The following PAK5 variants were observed in gnomAD, a reference collection of about 807,000 sequenced individuals.
PAK5 encodes the protein serine/threonine-protein kinase PAK 5.
A neutral mutation model predicts 65.9 loss-of-function variants in PAK5; 16 were observed. The ratio of observed to expected loss-of-function variants is 0.24; its 90% confidence interval spans 0.16 to 0.37. PAK5 has a LOEUF of 0.37. Ranked by LOEUF, PAK5 falls within the 10% of genes least tolerant of loss-of-function variation. PAK5 has a pLI of 1.00. For synonymous variants in PAK5, 371 were observed against 354.9 expected (o/e 1.05, Z -0.51); for missense variants, 785 against 903.9 (o/e 0.87, Z 1.69).
chr20:9,620,172 C>T (rs1233210240), intron 3 of PAK5, among the ~76,000 whole-genome samples: 2 of 152,202 alleles, frequency 1.3e-5, no homozygotes, highest in Non-Finnish European at 2.9e-5. Context: ...ATTCACAACA[C>T]TCTGTAATTA....
intron 1 of PAK5, among the ~76,000 whole-genome samples, chr20:9,762,161 C>T (rs6118719): frequency 2.6e-5 from 4 of 152,064 alleles, no homozygotes; most frequent in Non-Finnish European, 5.9e-5. Flanking sequence ...TGTAAAACTC[C>T]TAGAAGAACA....
chr20:9,831,206 GGT>G (rs903670859), intron 1 of PAK5, among the ~76,000 whole-genome samples: 4 of 151,940 alleles, frequency 2.6e-5, no homozygotes, highest in Admixed American at 1.3e-4. Flanking sequence ...TGTTTTGGGG[GGT>G]GTGTGTGTGT....
chr20:9,716,112 TCAAAAGCA>T, intron 1 of PAK5, among the ~76,000 whole-genome samples: 1 of 47,022 alleles, frequency 2.1e-5, no homozygotes, highest in African/African-American at 7.3e-5. Context: ...AAATATCTTC[TCAAAAGCA>T]TACCCTAAAA....
intron 1 of PAK5, among the ~76,000 whole-genome samples, chr20:9,804,408 A>G (rs1253659623): frequency 6.6e-6 from 1 of 152,200 alleles, no homozygotes; most frequent in East Asian, 1.9e-4. Context: ...TTCAAGAAAA[A>G]TTCATACATC....
At chr20:9,665,083 C>CTTTTTTTTTTTTTTTTTTTTTTTT (rs1555910631) in intron 2 of PAK5, among the ~76,000 whole-genome samples, 2 of 42,590 alleles carry the variant, frequency 4.7e-5, no homozygotes, top group Admixed American at 2.6e-4. Flanking sequence ...CTAAATTTTT[C>CTTTTTTTTTTTTTTTTTTTTTTTT]TGTTTTTTTT....
chr20:9,814,650 A>T (rs1010024222), intron 1 of PAK5, among the ~76,000 whole-genome samples: 1 of 152,194 alleles, frequency 6.6e-6, no homozygotes, highest in Non-Finnish European at 1.5e-5. Context: ...TACATAAAAA[A>T]TAAATATATA....
Position 9,538,884 on chromosome 20 carries a change from G to A in PAK5, c.*578C>T. The stretch of plus-strand genomic sequence containing the variant: ...ATTCAAAGTTCCTAAAGAATCATTG[G>A]TTCTCTTAAAGGGATAAAAAAGTAG... On this transcript the variant is annotated 3_prime_UTR_variant, in exon 10 of 10. Transcript: ENST00000353224. 2 of 233,044 alleles carry A rather than the reference G, an allele frequency of 8.6e-6. No individual in the cohort carries two copies. Among genetic ancestry groups the A allele is most frequent in the Non-Finnish European group, 1.7e-5 (2 of 117,728 alleles). The allele number at this position is 233,044 out of a possible 1,614,324, so 14.4% of individuals were successfully genotyped here. A position where few individuals can be genotyped will look rare whatever the true frequency, so the allele number is the denominator to read the frequency against.
At chr20:9,766,797 T>C (rs1225821707) in intron 1 of PAK5, among the ~76,000 whole-genome samples, 5 of 152,052 alleles carry the variant, frequency 3.3e-5, no homozygotes, top group Non-Finnish European at 7.4e-5. Context: ...ATGGGAGACT[T>C]CTTAGGTACT....
chr20:9,581,049 A>G lies in PAK5; in HGVS notation c.205-119T>C, dbSNP rs567900425. 3 of 675,518 alleles carry G rather than the reference A, an allele frequency of 4.4e-6. No homozygotes were observed. In the African/African-American group the frequency reaches 5.4e-5, roughly 12 times the overall value. 41.8% of individuals were successfully genotyped at this position (675,518 alleles called of 1,614,324 possible). On this transcript the variant is annotated intron_variant, in intron 3 of 9. Coordinates refer to ENST00000353224, the MANE Select transcript of PAK5 (RefSeq NM_177990.4). Reference sequence around the variant, plus strand: ...ACAGAAGAAAAAAGACCCCGGGAACACTTAACACAAAATGATAAAGAAAAT... The same window carrying G: ...ACAGAAGAAAAAAGACCCCGGGAACGCTTAACACAAAATGATAAAGAAAAT...
chr20:9,617,549 CTTTTTTTTT>C lies in PAK5; in HGVS notation c.204+26567_204+26575del, dbSNP rs532259417. Among the ~76,000 whole-genome samples, 8 of 94,578 alleles carry C rather than the reference CTTTTTTTTT, an allele frequency of 8.5e-5. 1 individual carries two copies. Among genetic ancestry groups the C allele is most frequent in the Admixed American group, 2.9e-4 (2 of 6,936 alleles). 62.0% of individuals were successfully genotyped at this position (94,578 alleles called of 152,430 possible). A position where few individuals can be genotyped will look rare whatever the true frequency, so the allele number is the denominator to read the frequency against. On this transcript the variant is annotated intron_variant, in intron 3 of 9. Transcript: ENST00000353224. ...GGGATGAGACCCAAGAATCCCAATC[CTTTTTTTTT>C]TTTTTTTTTTTTTTTGAAATGGAGT...
intron 7 of PAK5, among the ~76,000 whole-genome samples, chr20:9,545,632 G>T (rs1006480727): frequency 3.3e-5 from 5 of 151,980 alleles, no homozygotes; most frequent in Admixed American, 2.0e-4. Context: ...GGTTCCCTAG[G>T]GTTCTGGTTT....
At chr20:9,764,255 G>A (rs2048731657) in intron 1 of PAK5, among the ~76,000 whole-genome samples, 1 of 152,198 alleles carries the variant, frequency 6.6e-6, no homozygotes, top group Admixed American at 6.5e-5. Context: ...CTCTAAATTA[G>A]GATTTGCCTG....
chr20:9,562,859 C>T, intron 6 of PAK5, 32 bp downstream of exon 6: 2 of 1,595,948 alleles, frequency 1.3e-6, no homozygotes, highest in Non-Finnish European at 1.7e-6. Flanking sequence ...ATAAGAAGCA[C>T]CTCGAATTCT....
chr20:9,639,927 T>C (rs2047029529), intron 3 of PAK5, among the ~76,000 whole-genome samples: 1 of 152,232 alleles, frequency 6.6e-6, no homozygotes, highest in South Asian at 2.1e-4. Context: ...TTCTTTGCTC[T>C]CAAACAGGAC....
Position 9,837,761 on chromosome 20 carries a change from G to C in PAK5, c.-162+1001C>G, listed in dbSNP as rs565954348. Among the ~76,000 whole-genome samples the C allele has an allele frequency of 2.0e-4, 30 of 152,286 alleles. 1 individual carries two copies. In the East Asian group the frequency reaches 5.0e-3, roughly 25 times the overall value. ...CTTGGTAGAACTCCGTAGAATGCCA[G>C]GTTTCCTGATTTTCCTAAAAGTGTG... On this transcript the variant is annotated intron_variant, in intron 1 of 9. Transcript: ENST00000353224.
intron 1 of PAK5, among the ~76,000 whole-genome samples, chr20:9,732,137 C>T (rs992972861): frequency 2.6e-5 from 4 of 151,866 alleles, no homozygotes; most frequent in African/African-American, 9.7e-5. Context: ...AACTTCTAGC[C>T]AAAAATTAGT....
chr20:9,702,659 C>T (rs190979839), intron 2 of PAK5, among the ~76,000 whole-genome samples: 55 of 152,258 alleles, frequency 3.6e-4, no homozygotes, highest in Non-Finnish European at 5.9e-4. Flanking sequence ...GTTGTTCTCC[C>T]CTGTTATCCA....
chr20:9,611,110 G>C (rs2046551306), intron 3 of PAK5, among the ~76,000 whole-genome samples: 1 of 152,178 alleles, frequency 6.6e-6, no homozygotes, highest in African/African-American at 2.4e-5. Flanking sequence ...TTTTGTTACA[G>C]CAGCAGGAAA....
At chr20:9,828,935 GTCT>G (rs1290799796) in intron 1 of PAK5, among the ~76,000 whole-genome samples, 5 of 152,102 alleles carry the variant, frequency 3.3e-5, no homozygotes, top group African/African-American at 9.7e-5. Context: ...ATTGCAGAAA[GTCT>G]TCTTGGTTCA....
Sources: allele counts gnomAD v4.1 joint callset (sites outside exome capture counted in the v4.1 genomes callset), GRCh38; gene constraint gnomAD v4.1.1; transcripts MANE v1.5; gene names NCBI Gene and HGNC (gene_info 2026-07-23, HGNC 2026-07-21).